GLMN: variants seen among roughly 807,000 people sequenced by gnomAD.
GLMN encodes glomulin, FKBP associated protein, also known as glomulin.
In GLMN, 75 loss-of-function variants were observed where a neutral mutation model predicts 87.8. The observed-to-expected ratio is 0.85, with a 90% confidence interval of 0.71 to 1.04. GLMN has a LOEUF of 1.04. Ranked by LOEUF, GLMN falls within the 50% of genes least tolerant of loss-of-function variation. The pLI is 0.00. For missense variants in GLMN, 588 were observed against 658.8 expected, an observed-to-expected ratio of 0.89 and a Z score of 1.18; for synonymous variants, 206 against 221.6, an observed-to-expected ratio of 0.93 and a Z score of 0.63.
intron 7 of GLMN, among the ~76,000 whole-genome samples, chr1:92,282,883 T>C (rs966798616): frequency 6.6e-6 from 1 of 152,048 alleles, no homozygotes; most frequent in Non-Finnish European, 1.5e-5. Flanking sequence ...CTAGAAGAAA[T>C]GGGTAAATTC....
the GLMN span, chr1:92,346,041 TTTTCC>T: frequency 3.5e-6 from 2 of 571,814 alleles, no homozygotes; most frequent in Non-Finnish European, 6.1e-6. Flanking sequence ...TTGTGCCTTA[TTTTCC>T]TTTCCTATGT....
At chr1:92,274,735 A>G (rs572446025) in intron 7 of GLMN, among the ~76,000 whole-genome samples, 1 of 152,298 alleles carries the variant, frequency 6.6e-6, no homozygotes, top group African/African-American at 2.4e-5. Flanking sequence ...ATCTCTGAAC[A>G]TCTGGAACTA....
At chr1:92,336,061 A>C in the GLMN span, among the ~76,000 whole-genome samples, 1 of 152,118 alleles carries the variant, frequency 6.6e-6, no homozygotes, top group Non-Finnish European at 1.5e-5. Context: ...CTAATATTTG[A>C]AAATAAACAG....
At chr1:92,326,771 C>T in the GLMN span, among the ~76,000 whole-genome samples, 2 of 152,224 alleles carry the variant, frequency 1.3e-5, no homozygotes, top group African/African-American at 2.4e-5. Flanking sequence ...AGCTCCCATG[C>T]AACCCAAAAG....
chr1:92,345,459 G>A, the GLMN span, among the ~76,000 whole-genome samples: 1 of 150,756 alleles, frequency 6.6e-6, no homozygotes, highest in Non-Finnish European at 1.5e-5. Flanking sequence ...GAGGGACAGA[G>A]GGAGGGAGGG....
chr1:92,324,546 A>G, the GLMN span, among the ~76,000 whole-genome samples: 1 of 152,194 alleles, frequency 6.6e-6, no homozygotes, highest in African/African-American at 2.4e-5. Context: ...TGGCATTACT[A>G]TTTTACAAAT....
At chr1:92,341,532 A>G in the GLMN span, among the ~76,000 whole-genome samples, 2 of 152,208 alleles carry the variant, frequency 1.3e-5, no homozygotes, top group Non-Finnish European at 2.9e-5. Context: ...TGTTCTCTCC[A>G]GTGCGTGGAA....
chr1:92,297,757 A>C (rs966393554), intron 2 of GLMN: 1 of 629,028 alleles, frequency 1.6e-6, no homozygotes, highest in Admixed American at 3.0e-5. Flanking sequence ...AAGGATCAGG[A>C]TTAAAATGTA....
the GLMN span, among the ~76,000 whole-genome samples, chr1:92,353,042 C>A: frequency 2.6e-5 from 4 of 152,166 alleles, no homozygotes; most frequent in African/African-American, 9.7e-5. Flanking sequence ...CTTTTTATGG[C>A]CAAATAATAT....
the GLMN span, among the ~76,000 whole-genome samples, chr1:92,319,678 T>A: frequency 6.6e-6 from 1 of 152,286 alleles, no homozygotes; most frequent in South Asian, 2.1e-4. Flanking sequence ...TATAGTCTAG[T>A]TAAGAAACCA....
chr1:92,311,240 A>G, the GLMN span, among the ~76,000 whole-genome samples: 3 of 152,190 alleles, frequency 2.0e-5, no homozygotes, highest in Non-Finnish European at 2.9e-5. Context: ...AAAAGGAAAA[A>G]GTTGCATTCA....
upstream of GLMN, chr1:92,299,072 C>A: frequency 6.6e-7 from 1 of 1,503,936 alleles, no homozygotes; most frequent in Non-Finnish European, 8.9e-7. Flanking sequence ...CTACTCTCCC[C>A]CATGGCGGAC....
upstream of GLMN, among the ~76,000 whole-genome samples, chr1:92,300,438 A>G (rs1474524094): frequency 1.3e-5 from 2 of 152,152 alleles, no homozygotes; most frequent in African/African-American, 4.8e-5. Flanking sequence ...AAACCAAACT[A>G]AGCACTCAGA....
the GLMN span, among the ~76,000 whole-genome samples, chr1:92,361,283 T>A: frequency 6.6e-6 from 1 of 152,252 alleles, no homozygotes; most frequent in East Asian, 1.9e-4. Flanking sequence ...GCAGTTTTCT[T>A]ACCAAAACAT....
chr1:92,269,102 T>TAG (rs1387095246), intron 9 of GLMN, among the ~76,000 whole-genome samples: 30 of 151,778 alleles, frequency 2.0e-4, no homozygotes, highest in Non-Finnish European at 3.5e-4. Flanking sequence ...CTATTTTTTG[T>TAG]AGAGAGAGAG....
At chr1:92,333,337 A>G in the GLMN span, 1 of 1,401,592 alleles carries the variant, frequency 7.1e-7, no homozygotes, top group African/African-American at 1.4e-5. Flanking sequence ...TGCTTATCAA[A>G]GAAAGAATGT....
the GLMN span, among the ~76,000 whole-genome samples, chr1:92,343,114 A>G: frequency 6.6e-6 from 1 of 151,738 alleles, no homozygotes; most frequent in African/African-American, 2.4e-5. Context: ...ACCTAAGGCC[A>G]GAGGCCCTGG....
chr1:92,326,296 G>C, the GLMN span, among the ~76,000 whole-genome samples: 1 of 152,112 alleles, frequency 6.6e-6, no homozygotes, highest in Non-Finnish European at 1.5e-5. Flanking sequence ...TGACCACTTG[G>C]ATAATCTCTT....
At chr1:92,368,074 C>T in the GLMN span, among the ~76,000 whole-genome samples, 3 of 152,090 alleles carry the variant, frequency 2.0e-5, no homozygotes, top group Non-Finnish European at 4.4e-5. Context: ...TCCAGTGGTT[C>T]AGTATGAGTG....
Sources: allele counts gnomAD v4.1 joint callset (sites outside exome capture counted in the v4.1 genomes callset), GRCh38; gene constraint gnomAD v4.1.1; transcripts MANE v1.5; gene names NCBI Gene and HGNC (gene_info 2026-07-23, HGNC 2026-07-21).